PFAS: variants seen among roughly 807,000 people sequenced by gnomAD.
PFAS encodes FGAM synthase.
PFAS carries 97 observed loss-of-function variants against 140.6 expected under a neutral mutation model. That is an observed-to-expected ratio of 0.69 (90% confidence interval 0.59 to 0.82). The LOEUF (loss-of-function observed/expected upper bound fraction) is 0.82, where lower values mean the gene tolerates loss of function less well. Ranked by LOEUF, PFAS falls within the 40% of genes least tolerant of loss-of-function variation. PFAS has a pLI of 0.00. For synonymous variants in PFAS, 679 were observed against 718.8 expected, an observed-to-expected ratio of 0.94 and a Z score of 0.88; for missense variants, 1,656 against 1,780.2, an observed-to-expected ratio of 0.93 and a Z score of 1.26.
In PFAS at chr17:8,267,843, T is replaced by G. The variant is rs1989881149; in HGVS notation, c.3382+178T>G. On this transcript the variant is annotated intron_variant, in intron 26 of 27. Transcript: ENST00000314666. The surrounding 1 kb of genome is among the most constrained non-coding windows in gnomAD (Gnocchi z 4.9). ...GGTAGTAAATTTTTAATTTTTTCATTGAAAAAAAGTATATATATACACATA... is the reference window on the plus strand; with the variant it reads ...GGTAGTAAATTTTTAATTTTTTCATGGAAAAAAAGTATATATATACACATA... Among the ~76,000 whole-genome samples the G allele has an allele frequency of 6.7e-6, 1 of 148,638 alleles. No individual in the cohort carries two copies. The highest frequency in any genetic ancestry group is 1.5e-5 in the Non-Finnish European group (1 of 67,448).
intron 1 of PFAS, among the ~76,000 whole-genome samples, chr17:8,251,385 G>A (rs1456225411): frequency 1.3e-5 from 2 of 151,974 alleles, no homozygotes; most frequent in Admixed American, 6.5e-5. Context: ...GGGCTCAAGC[G>A]ATCCTCTTAC....
In PFAS at chr17:8,269,046, A is replaced by C; in HGVS notation, c.3799A>C (p.Thr1267Pro). 1 of 1,614,034 alleles carries C rather than the reference A, an allele frequency of 6.2e-7. No individual in the cohort carries two copies. ...LHWADDDGNP[T>P]EQYPLNPNGS... The stretch of plus-strand genomic sequence containing the variant: ...CTGGGCTGATGATGACGGGAACCCC[A>C]CAGAGCAGTACCCTCTGAATCCCAA... Residue 1267 changes from threonine to proline, a missense_variant, in exon 28 of 28, where the codon ACA becomes CCA. By Grantham distance (38) the Thr-to-Pro change is conservative. This residue lies in a region of PFAS where 883 missense variants were observed against 1,023.0 expected (regional missense o/e 0.86). Coordinates refer to ENST00000314666, the MANE Select transcript of PFAS (RefSeq NM_012393.3).
Position 8,263,096 on chromosome 17 carries a change from T to C in PFAS, c.1411-13T>C, listed in dbSNP as rs1597425290. The C allele has an allele frequency of 6.2e-7, 1 of 1,613,860 alleles. No homozygotes were observed. The highest frequency in any genetic ancestry group is 8.5e-7 in the Non-Finnish European group (1 of 1,179,742). On this transcript the variant is annotated splice_polypyrimidine_tract_variant and intron_variant, in intron 12 of 27. Coordinates refer to ENST00000314666, the MANE Select transcript of PFAS (RefSeq NM_012393.3). Reference sequence around the variant, plus strand: ...AGTCTCGCTGAGCTGAGCTATGCCATATATGCCCCCAGGTGCAGGGAGATA... The same window carrying C: ...AGTCTCGCTGAGCTGAGCTATGCCACATATGCCCCCAGGTGCAGGGAGATA...
intron 15 of PFAS, 104 bp from the exon 16 acceptor site, chr17:8,264,108 C>G: frequency 6.5e-7 from 1 of 1,535,970 alleles, no homozygotes; most frequent in South Asian, 1.1e-5. Context: ...AATATGGAAA[C>G]CAAACAAGGA....
intron 1 of PFAS, among the ~76,000 whole-genome samples, chr17:8,252,357 A>G (rs1989189575): frequency 1.3e-5 from 2 of 152,162 alleles, no homozygotes; most frequent in African/African-American, 4.8e-5. Context: ...ATCAAGCAAT[A>G]AATTCTTAAA....
chr17:8,257,980 C>T (rs370251054), intron 10 of PFAS, 42 bp downstream of exon 10: 5 of 1,612,180 alleles, frequency 3.1e-6, no homozygotes, highest in South Asian at 2.2e-5. Context: ...CCCAGAGGGG[C>T]TTGTGGGTGG....
In PFAS at chr17:8,264,304, G is replaced by A. The variant is rs1297672240; in HGVS notation, c.1884G>A (p.Glu628=). ...CCCTGCCAACCCCTGTGGACCTGGA[G>A]CTCGAATGGGTGCTGGGCAAGATGC... ...PTPLPTPVDL[E]LEWVLGKMPR... is the part of the protein sequence containing the mutation. The change falls in exon 16 of 28, where the codon GAG becomes GAA. Residue 628 remains glutamate, a synonymous_variant. Transcript: ENST00000314666. The A allele has an allele frequency of 1.2e-6, 2 of 1,613,954 alleles. No homozygotes were observed. The highest frequency in any genetic ancestry group is 2.2e-5 in the East Asian group (1 of 44,894).
intron 1 of PFAS, 119 bp downstream of exon 1, chr17:8,249,458 G>A (rs1365527168): frequency 6.6e-6 from 1 of 152,238 alleles, no homozygotes; most frequent in African/African-American, 2.4e-5. Context: ...TGTCTACTTG[G>A]TGCCCGCGTA....
At chr17:8,265,495 G>A (rs769755699) in intron 19 of PFAS, 27 bp downstream of exon 19, 2 of 1,613,306 alleles carry the variant, frequency 1.2e-6, no homozygotes, top group Non-Finnish European at 1.7e-6. Context: ...CCAGGGAGGG[G>A]AGGAGGAACT....
At chr17:8,263,380 C>A (rs1597425652) in intron 13 of PFAS, 115 bp downstream of exon 13, 1 of 1,198,604 alleles carries the variant, frequency 8.3e-7, no homozygotes, top group East Asian at 2.3e-5. Context: ...TCCCATTCTC[C>A]ATGCTCTGTA....
rs757777761 is a variant in PFAS, at chr17:8,268,963, C to A, written c.3716C>A (p.Ala1239Glu). ...VWSAHGEGYVAFSSPELQAQI... is the reference protein window; with the variant it reads ...VWSAHGEGYVEFSSPELQAQI... ...CCTCCTTCCATCCCAGGTTACGTAGCATTTTCTTCTCCGGAACTCCAAGCT... is the reference window on the plus strand; with the variant it reads ...CCTCCTTCCATCCCAGGTTACGTAGAATTTTCTTCTCCGGAACTCCAAGCT... The change falls in exon 28 of 28, where the codon GCA (alanine) becomes GAA (glutamate). Residue 1239 changes from alanine to glutamate, a missense_variant. Transcript: ENST00000314666. 6.2e-7 allele frequency: 1 copy of A among 1,614,154 alleles called. No individual in the cohort carries two copies. The highest frequency in any genetic ancestry group is 8.5e-7 in the Non-Finnish European group (1 of 1,179,978).
rs1481901128 is a variant in PFAS, at chr17:8,258,064, A to G, written c.1208-7A>G. On this transcript the variant is annotated splice_region_variant and splice_polypyrimidine_tract_variant and intron_variant, in intron 10 of 27. Transcript: ENST00000314666. Reference sequence around the variant, plus strand: ...AGTGACAGGTCCCTCTGATGTTCACACTCCAGGCTTCGCCCGCTCCTTGGG... The same window carrying G: ...AGTGACAGGTCCCTCTGATGTTCACGCTCCAGGCTTCGCCCGCTCCTTGGG... The G allele has an allele frequency of 1.2e-6, 2 of 1,613,870 alleles. No homozygotes were observed. The highest frequency in any genetic ancestry group is 1.1e-5 in the South Asian group (1 of 91,074).
intron 18 of PFAS, 74 bp downstream of exon 18, chr17:8,265,199 A>G (rs1989762198): frequency 2.6e-6 from 4 of 1,567,550 alleles, no homozygotes; most frequent in Non-Finnish European, 2.6e-6. Flanking sequence ...GTAGCCCTTC[A>G]TTTCATGTTG....
chr17:8,256,206 A>T (rs1048845299), intron 6 of PFAS, 61 bp from the exon 7 acceptor site: 10 of 1,549,862 alleles, frequency 6.5e-6, no homozygotes, highest in Non-Finnish European at 8.8e-6. Flanking sequence ...GTGAGAAGAC[A>T]TGGCATTAAG....
intron 6 of PFAS, 35 bp from the exon 7 acceptor site, chr17:8,256,232 C>T (rs373102792): frequency 3.5e-5 from 57 of 1,605,952 alleles, no homozygotes; most frequent in Non-Finnish European, 4.6e-5. Context: ...ACCCCGTTTC[C>T]ACCTGCCTTC....
At chr17:8,248,924 G>A (rs1327869631), upstream of PFAS, among the ~76,000 whole-genome samples, 1 of 152,150 alleles carries the variant, frequency 6.6e-6, no homozygotes, top group Non-Finnish European at 1.5e-5. Context: ...TGGGGTAGCA[G>A]AGCTCAGGAA....
At position 8,269,011 on chromosome 17, in the gene PFAS, C is replaced by T; in HGVS notation, c.3764C>T (p.Ala1255Val). 1 of 1,614,174 alleles carries T rather than the reference C, an allele frequency of 6.2e-7. No individual in the cohort carries two copies. Among genetic ancestry groups the T allele is most frequent in the Non-Finnish European group, 8.5e-7 (1 of 1,179,990 alleles). The change falls in exon 28 of 28, where the codon GCT becomes GTT. Residue 1255 changes from alanine (A) to valine (V), a missense_variant. By Grantham distance (64) the Ala-to-Val change is moderately conservative. Around this residue, in one of 2 missense-constraint regions of PFAS, gnomAD observed 883 missense variants for 1,023.0 expected, o/e 0.86. Transcript: ENST00000314666. The part of the protein sequence containing the change: ...LQAQIEARGL[A>V]PLHWADDDGN... The stretch of plus-strand genomic sequence containing the variant: ...GCTCAGATTGAGGCCAGGGGCTTGG[C>T]TCCACTGCACTGGGCTGATGATGAC...
At position 8,266,877 on chromosome 17, in the gene PFAS, C is replaced by T. The variant is rs1989836128; in HGVS notation, c.2946C>T (p.Gly982=). Residue 982 remains glycine (G), a synonymous_variant, in exon 23 of 28, where the codon GGC becomes GGT. Coordinates refer to ENST00000314666, the MANE Select transcript of PFAS (RefSeq NM_012393.3). The surrounding 1 kb of genome is among the most constrained non-coding windows in gnomAD (Gnocchi z 5.0). ...GLHCLELGHT[G]EAGPHAMVRV... is the part of the protein sequence containing the mutation. Reference sequence around the variant, plus strand: ...ATTGCCTGGAGCTGGGCCACACAGGCGAGGCCGGGCCCCACGCCATGGTGA... The same window carrying T: ...ATTGCCTGGAGCTGGGCCACACAGGTGAGGCCGGGCCCCACGCCATGGTGA... The T allele has an allele frequency of 2.5e-5, 40 of 1,604,990 alleles. No individual in the cohort carries two copies. The highest frequency in any genetic ancestry group is 3.2e-5 in the Non-Finnish European group (38 of 1,178,298).
chr17:8,254,681 G>A (rs1434807524), intron 3 of PFAS, among the ~76,000 whole-genome samples: 1 of 151,542 alleles, frequency 6.6e-6, no homozygotes, highest in African/African-American at 2.4e-5. Context: ...GCGGGCGCCT[G>A]TAGTCCCAGC....
Sources: gnomAD v4.1 joint callset for allele counts (sites outside exome capture counted in the v4.1 genomes callset) on GRCh38, gnomAD v4.1.1 for gene constraint, gnomAD v4.1.1 regional missense constraint, Gnocchi (gnomAD v3.1) non-coding constraint, MANE v1.5 for transcripts, NCBI Gene and HGNC (gene_info 2026-07-23, HGNC 2026-07-21) for gene names.